Variants in ACTR3C observed in about 807,000 individuals in gnomAD.
The protein encoded by ACTR3C is actin-related protein 3C.
ACTR3C carries 18 observed loss-of-function variants against 26.3 expected under a neutral mutation model. That is an observed-to-expected ratio of 0.68 (90% CI 0.47 to 1.01). The LOEUF (loss-of-function observed/expected upper bound fraction) is 1.01, where lower values mean the gene tolerates loss of function less well. ACTR3C is among the 50% of genes least tolerant of loss of function. ACTR3C has a pLI of 0.00. For missense variants in ACTR3C, 184 were observed against 250.7 expected (o/e 0.73, Z 1.80); for synonymous variants, 55 against 94.5 (o/e 0.58, Z 2.42).
chr7:150,294,939 C>A (rs1836607831), intron 2 of ACTR3C, among the ~76,000 whole-genome samples: 1 of 151,854 alleles, frequency 6.6e-6, no homozygotes, highest in African/African-American at 2.4e-5. Context: ...TTTTGTTTTT[C>A]TGATCAAAGT....
At chr7:150,043,748 T>C in the ACTR3C span, among the ~76,000 whole-genome samples, 136,625 of 152,262 alleles carry the variant, frequency 0.9, 61,496 homozygotes, top group African/African-American at 0.97. Flanking sequence ...TCTCATTTAT[T>C]AGGAAAATCA....
the ACTR3C span, among the ~76,000 whole-genome samples, chr7:150,028,494 T>C: frequency 6.6e-6 from 1 of 152,302 alleles, no homozygotes; most frequent in Non-Finnish European, 1.5e-5. Flanking sequence ...GGTGGCCCAG[T>C]TTACTAAATT....
At chr7:149,935,905 AC>A in the ACTR3C span, among the ~76,000 whole-genome samples, 7 of 152,108 alleles carry the variant, frequency 4.6e-5, no homozygotes, top group Non-Finnish European at 8.8e-5. Context: ...CCCTGAGTAG[AC>A]CTGCCACTGC....
the ACTR3C span, among the ~76,000 whole-genome samples, chr7:150,059,463 G>A: frequency 6.6e-6 from 1 of 152,114 alleles, no homozygotes; most frequent in Non-Finnish European, 1.5e-5. Flanking sequence ...AAAATCTGGA[G>A]GCAAATGTGT....
At chr7:149,959,672 C>T in the ACTR3C span, among the ~76,000 whole-genome samples, 1 of 152,178 alleles carries the variant, frequency 6.6e-6, no homozygotes, top group Admixed American at 6.5e-5. Context: ...GCAGATGTGG[C>T]TGAGTTTAGA....
At chr7:150,320,880 C>G (rs1388807905) in intron 1 of ACTR3C, among the ~76,000 whole-genome samples, 1 of 152,182 alleles carries the variant, frequency 6.6e-6, no homozygotes, top group Non-Finnish European at 1.5e-5. Context: ...TCTTGCCTTC[C>G]CCAGCCTTTA....
the ACTR3C span, among the ~76,000 whole-genome samples, chr7:149,932,264 G>A: frequency 7.2e-5 from 11 of 152,204 alleles, no homozygotes; most frequent in South Asian, 2.1e-4. Context: ...TATATGACAC[G>A]GCCAGAGTAG....
At chr7:150,225,435 C>T in the ACTR3C span, among the ~76,000 whole-genome samples, 14,606 of 152,224 alleles carry the variant, frequency 0.096, 899 homozygotes, top group East Asian at 0.23. Flanking sequence ...TCTGTAAATG[C>T]CCACTCCAAC....
the ACTR3C span, among the ~76,000 whole-genome samples, chr7:150,064,302 C>T: frequency 0.013 from 1,980 of 147,558 alleles, 99 homozygotes; most frequent in East Asian, 0.17. Flanking sequence ...TGCCTGTAAT[C>T]CCAGCACTTT....
Position 150,323,486 on chromosome 7 carries a change from G to A in ACTR3C, c.-69C>T. The A allele has an allele frequency of 2.4e-6, 1 of 418,492 alleles. No homozygotes were observed. Among genetic ancestry groups the A allele is most frequent in the South Asian group, 1.6e-5 (1 of 60,850 alleles). 25.9% of individuals were successfully genotyped at this position (418,492 alleles called of 1,614,324 possible). ...GCTCTTACCTGCCGAGGAGGCGCCGGCTCTGCGGTGCGGAGTTGCGCCGGA... is the reference window on the plus strand; with the variant it reads ...GCTCTTACCTGCCGAGGAGGCGCCGACTCTGCGGTGCGGAGTTGCGCCGGA... On this transcript the variant is annotated 5_prime_UTR_variant, in exon 1 of 8. Coordinates refer to ENST00000683684, the MANE Select transcript of ACTR3C (RefSeq NM_001164458.2).
At chr7:150,008,876 G>A in the ACTR3C span, among the ~76,000 whole-genome samples, 4 of 151,674 alleles carry the variant, frequency 2.6e-5, no homozygotes, top group South Asian at 2.1e-4. Flanking sequence ...AGCAGGGAAC[G>A]GGGCTCCCGC....
At chr7:150,042,519 G>A in the ACTR3C span, among the ~76,000 whole-genome samples, 9 of 147,976 alleles carry the variant, frequency 6.1e-5, no homozygotes, top group East Asian at 2.1e-4. Flanking sequence ...CGCCCCCTGC[G>A]ATAGTGGTCC....
the ACTR3C span, among the ~76,000 whole-genome samples, chr7:149,896,913 T>C: frequency 6.6e-6 from 1 of 151,662 alleles, no homozygotes; most frequent in East Asian, 1.9e-4. Context: ...ATACAAAAAT[T>C]AGCCAGGCAT....
At chr7:150,243,598 G>A (rs570004008), downstream of ACTR3C, among the ~76,000 whole-genome samples, 63 of 152,148 alleles carry the variant, frequency 4.1e-4, no homozygotes, top group Non-Finnish European at 6.0e-4. Flanking sequence ...TGCAGATACC[G>A]AAATCCACAA....
At chr7:150,207,221 TCCTA>T in the ACTR3C span, among the ~76,000 whole-genome samples, 1 of 152,172 alleles carries the variant, frequency 6.6e-6, no homozygotes, top group East Asian at 1.9e-4. Flanking sequence ...GGCAAGCCTT[TCCTA>T]CCTAAACCAC....
At chr7:150,123,582 A>AACACACAC in the ACTR3C span, among the ~76,000 whole-genome samples, 3 of 119,204 alleles carry the variant, frequency 2.5e-5, no homozygotes, top group East Asian at 6.5e-4. Flanking sequence ...AGCAAAGGTC[A>AACACACAC]ACACACACAC....
chr7:150,103,432 C>A, the ACTR3C span, among the ~76,000 whole-genome samples: 1 of 151,568 alleles, frequency 6.6e-6, no homozygotes, highest in Non-Finnish European at 1.5e-5. Context: ...CCAGAAGCAG[C>A]GCTGGTGAGT....
chr7:149,981,991 C>T, the ACTR3C span, among the ~76,000 whole-genome samples: 2 of 152,212 alleles, frequency 1.3e-5, no homozygotes, highest in Non-Finnish European at 2.9e-5. Flanking sequence ...CCCATGGCTA[C>T]AGCCAGCATG....
At chr7:150,077,077 A>G in the ACTR3C span, among the ~76,000 whole-genome samples, 3 of 152,144 alleles carry the variant, frequency 2.0e-5, no homozygotes, top group Admixed American at 1.3e-4. Context: ...AGGCAGGAGA[A>G]TCACTTGAAC....
Sources: allele counts gnomAD v4.1 joint callset (sites outside exome capture counted in the v4.1 genomes callset), GRCh38; gene constraint gnomAD v4.1.1; transcripts MANE v1.5; gene names NCBI Gene and HGNC (gene_info 2026-07-23, HGNC 2026-07-21).